Variants in CD109 observed in about 807,000 individuals in gnomAD.
The protein encoded by CD109 is CD109 antigen.
CD109 carries 149 observed loss-of-function variants against 165.8 expected under a neutral mutation model. The ratio of observed to expected loss-of-function variants is 0.90; its 90% CI spans 0.79 to 1.03. The LOEUF (loss-of-function observed/expected upper bound fraction) is 1.03. Ranked by LOEUF, CD109 falls within the 50% of genes least tolerant of loss-of-function variation. The probability of loss-of-function intolerance (pLI) is 0.00; values close to 1 mark genes in which losing one functional copy is unlikely to be tolerated. For missense variants in CD109, 1,712 were observed against 1,677.8 expected (o/e 1.02, Z -0.36); for synonymous variants, 585 against 592.1 (o/e 0.99, Z 0.18).
chr6:73,731,122 C>T (rs1391885076), intron 4 of CD109, among the ~76,000 whole-genome samples: 2 of 152,052 alleles, frequency 1.3e-5, no homozygotes, highest in African/African-American at 2.4e-5. Context: ...TCTTGGCTCA[C>T]TGCAACCTCC....
chr6:73,679,319 CAA>C, the CD109 span, among the ~76,000 whole-genome samples: 1 of 151,870 alleles, frequency 6.6e-6, no homozygotes, highest in Non-Finnish European at 1.5e-5. Context: ...CTGAGTCTAA[CAA>C]AGTATATTTT....
At chr6:73,779,465 G>A (rs1003988043) in intron 15 of CD109, among the ~76,000 whole-genome samples, 1 of 151,968 alleles carries the variant, frequency 6.6e-6, no homozygotes, top group East Asian at 1.9e-4. Flanking sequence ...GGCCAGGCTG[G>A]TCTCAAACTC....
chr6:73,712,764 G>T (rs999477579), intron 2 of CD109, among the ~76,000 whole-genome samples: 12 of 152,202 alleles, frequency 7.9e-5, no homozygotes, highest in African/African-American at 2.9e-4. Flanking sequence ...TGCTTAAGCA[G>T]CCCTGGGAAG....
chr6:73,734,856 T>A lies in CD109; in HGVS notation c.508-1527T>A, dbSNP rs1772487909. On this transcript the variant is annotated intron_variant, in intron 4 of 32. Transcript: ENST00000287097. The stretch of plus-strand genomic sequence containing the variant: ...CTCTCAGTCACAGTCTAGTTGGGAA[T>A]AATAAAATATAGATTTTTGGCAAAA... 2.6e-5 allele frequency among the ~76,000 whole-genome samples: 4 copies of A among 152,196 alleles called. No homozygotes were observed. In the South Asian group the frequency reaches 8.3e-4, roughly 31 times the overall value.
chr6:73,720,134 T>C (rs1771892249), intron 2 of CD109, among the ~76,000 whole-genome samples: 1 of 152,184 alleles, frequency 6.6e-6, no homozygotes, highest in African/African-American at 2.4e-5. Context: ...AAGTGTGGTA[T>C]ATATACGTAA....
chr6:73,753,235 C>T (rs989099550), intron 5 of CD109, among the ~76,000 whole-genome samples: 5 of 152,150 alleles, frequency 3.3e-5, no homozygotes, highest in Non-Finnish European at 4.4e-5. Context: ...AAAATATTTA[C>T]TATCCCACTC....
intron 26 of CD109, among the ~76,000 whole-genome samples, chr6:73,809,360 T>TA (rs896413698): frequency 6.6e-6 from 1 of 152,154 alleles, no homozygotes; most frequent in Non-Finnish European, 1.5e-5. Context: ...CAATGTGTCT[T>TA]AAAATATTTT....
chr6:73,777,596 G>A (rs1469179606), intron 15 of CD109, among the ~76,000 whole-genome samples: 1 of 152,134 alleles, frequency 6.6e-6, no homozygotes, highest in Non-Finnish European at 1.5e-5. Context: ...TGTATATGAT[G>A]TAAGGAAGGG....
rs2150317609 is a variant in CD109, at chr6:73,825,957, G to A, written c.*2324G>A. The A allele has an allele frequency of 6.6e-6, 1 of 152,280 alleles. No homozygotes were observed. Among genetic ancestry groups the A allele is most frequent in the South Asian group, 2.1e-4 (1 of 4,818 alleles). 9.4% of individuals were successfully genotyped at this position (152,280 alleles called of 1,614,324 possible). ...CACGCCACTGCACTCCAGCCTGGGG[G>A]ACAGAGTGAGATTCTGTCTCAAAAA... On this transcript the variant is annotated 3_prime_UTR_variant, in exon 33 of 33. Transcript: ENST00000287097.
chr6:73,777,439 C>A (rs1409568110), intron 15 of CD109, among the ~76,000 whole-genome samples: 1 of 151,984 alleles, frequency 6.6e-6, no homozygotes, highest in Non-Finnish European at 1.5e-5. Context: ...AATTTGATCC[C>A]ATTTGTCAAT....
At chr6:73,681,324 TTGTGTGTGTGTGTG>T in the CD109 span, among the ~76,000 whole-genome samples, 4 of 145,568 alleles carry the variant, frequency 2.7e-5, no homozygotes, top group Non-Finnish European at 4.5e-5. Context: ...CAGTTACCAT[TTGTGTGTGTGTGTG>T]TGTGTGTGTG....
chr6:73,802,289 G>GTGTGTGTGTA (rs71542231), intron 23 of CD109, among the ~76,000 whole-genome samples: 35 of 78,206 alleles, frequency 4.5e-4, no homozygotes, highest in Non-Finnish European at 7.5e-4. Context: ...GTGTGTGTGT[G>GTGTGTGTGTA]TATATATATA....
At chr6:73,749,614 G>C (rs1303895392) in intron 5 of CD109, among the ~76,000 whole-genome samples, 3 of 152,220 alleles carry the variant, frequency 2.0e-5, no homozygotes, top group African/African-American at 7.2e-5. Flanking sequence ...ATTTCAATCA[G>C]TGATGCAAAT....
At position 73,807,056 on chromosome 6, in the gene CD109, G is replaced by T; in HGVS notation, c.3173G>T (p.Gly1058Val). ...LTAYIVTSLLGYRKYQPNIDV... is the reference protein window; with the variant it reads ...LTAYIVTSLLVYRKYQPNIDV... The stretch of plus-strand genomic sequence containing the variant: ...GCCTATATTGTAACTTCTCTCCTGG[G>T]ATATAGAAAGTATCAGGTATTTCGT... The change falls in exon 25 of 33, where the codon GGA (glycine) becomes GTA (valine). Residue 1058 changes from glycine (G) to valine (V), a missense_variant. Gly to Val is a moderately radical substitution (Grantham distance 109). Transcript: ENST00000287097. 4 of 1,610,686 alleles carry T rather than the reference G, an allele frequency of 2.5e-6. No homozygotes were observed. The highest frequency in any genetic ancestry group is 1.3e-5 in the African/African-American group (1 of 74,950).
intron 3 of CD109, 121 bp downstream of exon 3, chr6:73,723,400 T>G: frequency 2.5e-6 from 2 of 790,556 alleles, no homozygotes; most frequent in Non-Finnish European, 4.2e-6. Context: ...AAGTTTGGCT[T>G]GAGTTTAGTT....
chr6:73,779,442 G>A (rs370179621), intron 15 of CD109, among the ~76,000 whole-genome samples: 1 of 151,884 alleles, frequency 6.6e-6, no homozygotes, highest in Admixed American at 6.6e-5. Context: ...TAGAGACGGG[G>A]TTTCACTATG....
At chr6:73,709,376 C>G (rs1246144825) in intron 2 of CD109, among the ~76,000 whole-genome samples, 1 of 152,152 alleles carries the variant, frequency 6.6e-6, no homozygotes, top group African/African-American at 2.4e-5. Flanking sequence ...GTTTTGGTAC[C>G]AGTACCATGC....
intron 2 of CD109, among the ~76,000 whole-genome samples, chr6:73,705,962 T>C (rs533015178): frequency 6.6e-6 from 1 of 152,052 alleles, no homozygotes; most frequent in Admixed American, 6.6e-5. Flanking sequence ...ATTAGAAAGG[T>C]GAAAGTGGTT....
chr6:73,765,842 C>T, intron 10 of CD109, 88 bp from the exon 11 acceptor site: 1 of 969,164 alleles, frequency 1.0e-6, no homozygotes, highest in Non-Finnish European at 1.5e-6. Flanking sequence ...TTTGAGAGTT[C>T]AATTTCATGA....
Sources: gnomAD v4.1 joint callset for allele counts (sites outside exome capture counted in the v4.1 genomes callset) on GRCh38, gnomAD v4.1.1 for gene constraint, MANE v1.5 for transcripts, NCBI Gene and HGNC (gene_info 2026-07-23, HGNC 2026-07-21) for gene names.